Variants in OCA2 observed in about 807,000 individuals in gnomAD.
OCA2 encodes the protein OCA2 melanosomal transmembrane protein, also known as P protein.
In OCA2, 77 loss-of-function variants were observed where a neutral mutation model predicts 100.2. The ratio of observed to expected loss-of-function variants is 0.77; its 90% CI spans 0.64 to 0.93. OCA2 has a LOEUF of 0.93. Among genes scored for constraint, OCA2 ranks in the 40% least tolerant of loss-of-function variants. OCA2 has a pLI of 0.00. For missense variants in OCA2, 1,062 were observed against 1,089.1 expected, an observed-to-expected ratio of 0.98 and a Z score of 0.35; for synonymous variants, 432 against 439.2, an observed-to-expected ratio of 0.98 and a Z score of 0.21.
In OCA2 at chr15:28,043,447, AT is replaced by A. The variant is rs2043262114; in HGVS notation, c.228-11285del. 2.0e-5 allele frequency among the ~76,000 whole-genome samples: 3 copies of A among 152,320 alleles called. No individual in the cohort carries two copies. The South Asian group carries it at 6.2e-4, about 32-fold the overall frequency. Reference sequence around the variant, plus strand: ...ATCTCCAAAAATCACAATAAAGAAGATTGGTGCCCATTTTTTCTGGGGCTTA... The same window carrying A: ...ATCTCCAAAAATCACAATAAAGAAGATGGTGCCCATTTTTTCTGGGGCTTA... On this transcript the variant is annotated intron_variant, in intron 2 of 23. Transcript: ENST00000354638. This position sits in a 1 kb window ranked among gnomAD's most constrained non-coding sequence, Gnocchi z 4.4.
At chr15:27,767,107 T>C (rs4778178) in intron 23 of OCA2, among the ~76,000 whole-genome samples, 57,601 of 151,954 alleles carry the variant, frequency 0.38, 13,760 homozygotes, top group East Asian at 0.72. Flanking sequence ...TACTTGCCTT[T>C]GGGCCCTGTA....
intron 21 of OCA2, 144 bp downstream of exon 21, chr15:27,871,010 T>C: frequency 1.4e-6 from 1 of 719,840 alleles, no homozygotes; most frequent in South Asian, 1.5e-5. Flanking sequence ...CCAGCTGCCC[T>C]GGGCTCTGCT....
chr15:27,985,962 A>C (rs1325142596), intron 12 of OCA2, among the ~76,000 whole-genome samples: 1 of 152,230 alleles, frequency 6.6e-6, no homozygotes, highest in Non-Finnish European at 1.5e-5. Context: ...AAGTACTAGG[A>C]TTACAGGCGT....
rs1284426737 is a variant in OCA2, at chr15:27,926,161, A to G, written c.2045T>C (p.Leu682Pro). ...IILHRVEWAT[L>P]LFFAALFVLM... ...AACAAAGAGCGCTGCAAAAAACAGA[A>G]GGGTTGCCCATTCCACTCTGTGTAG... Residue 682 changes from leucine (L) to proline (P), a missense_variant, in exon 19 of 24, where the codon CTT becomes CCT. Physicochemically the swap from Leu to Pro is moderately conservative, Grantham distance 98. Transcript: ENST00000354638. 6.2e-7 allele frequency: 1 copy of G among 1,614,030 alleles called. No homozygotes were observed. Among genetic ancestry groups the G allele is most frequent in the African/African-American group, 1.3e-5 (1 of 74,940 alleles).
intron 2 of OCA2, among the ~76,000 whole-genome samples, chr15:28,077,060 GTTTT>G (rs1020481789): frequency 7.6e-6 from 1 of 131,128 alleles, no homozygotes; most frequent in African/African-American, 2.8e-5. Context: ...TGCTTAATTT[GTTTT>G]TTTTTTTTTT....
intron 8 of OCA2, among the ~76,000 whole-genome samples, 192 bp from the exon 9 acceptor site, chr15:28,015,121 G>A (rs550676153): frequency 7.0e-4 from 106 of 152,244 alleles, no homozygotes; most frequent in Non-Finnish European, 1.4e-3. Flanking sequence ...AGCCAAGCCC[G>A]ACTGGTCCAA....
intron 23 of OCA2, among the ~76,000 whole-genome samples, chr15:27,814,704 C>T (rs1168942028): frequency 6.6e-6 from 1 of 152,116 alleles, no homozygotes; most frequent in Non-Finnish European, 1.5e-5. Context: ...ATGGCAAAAC[C>T]CCATCTCTAC....
chr15:27,847,239 C>T (rs934110946), intron 22 of OCA2, among the ~76,000 whole-genome samples: 12 of 152,170 alleles, frequency 7.9e-5, no homozygotes, highest in Admixed American at 2.6e-4. Flanking sequence ...CACTTAGACA[C>T]GTGTGCGACC....
intron 23 of OCA2, among the ~76,000 whole-genome samples, chr15:27,782,678 C>T (rs946008903): frequency 6.6e-6 from 1 of 152,206 alleles, no homozygotes; most frequent in Admixed American, 6.5e-5. Flanking sequence ...CCTTAATGCC[C>T]TCATAGTGCT....
intron 23 of OCA2, among the ~76,000 whole-genome samples, chr15:27,807,138 C>G (rs2033889888): frequency 6.6e-6 from 1 of 152,182 alleles, no homozygotes; most frequent in Non-Finnish European, 1.5e-5. Flanking sequence ...CACGGGCAGC[C>G]TGGGTGATGC....
intron 23 of OCA2, among the ~76,000 whole-genome samples, chr15:27,841,439 G>C (rs901549780): frequency 6.6e-6 from 1 of 152,250 alleles, no homozygotes; most frequent in Non-Finnish European, 1.5e-5. Flanking sequence ...TTACTACCAG[G>C]GGTTTCTGCA....
rs2037312095 is a variant in OCA2, at chr15:27,888,238, T to A, written c.2080-16316A>T. On this transcript the variant is annotated intron_variant, in intron 19 of 23. Coordinates refer to ENST00000354638, the MANE Select transcript of OCA2 (RefSeq NM_000275.3). ...AACAGATCAAAGTAGCACTGCAAGA[T>A]CTCTGAAAATTAAATCTTCATTTGA... Among the ~76,000 whole-genome samples, 3 of 152,210 alleles carry A rather than the reference T, an allele frequency of 2.0e-5. No individual in the cohort carries two copies. The East Asian group carries it at 5.8e-4, about 29-fold the overall frequency.
At chr15:27,782,665 G>C (rs1245422096) in intron 23 of OCA2, among the ~76,000 whole-genome samples, 1 of 152,192 alleles carries the variant, frequency 6.6e-6, no homozygotes, top group Non-Finnish European at 1.5e-5. Flanking sequence ...GAGGGAAGCT[G>C]CTCCTTAATG....
intron 3 of OCA2, 23 bp downstream of exon 3, chr15:28,032,042 A>T (rs759782514): frequency 1.3e-6 from 2 of 1,570,394 alleles, no homozygotes; most frequent in African/African-American, 2.7e-5. Flanking sequence ...TCTTACTTTC[A>T]TATGAGGGGG....
intron 3 of OCA2, among the ~76,000 whole-genome samples, chr15:28,030,340 T>C (rs544203140): frequency 2.4e-4 from 36 of 151,684 alleles, no homozygotes; most frequent in Non-Finnish European, 4.9e-4. Context: ...ATGAATGTAG[T>C]GTTTGAGAGC....
At chr15:28,019,249 G>A (rs979934548) in intron 6 of OCA2, among the ~76,000 whole-genome samples, 1 of 152,030 alleles carries the variant, frequency 6.6e-6, no homozygotes, top group Admixed American at 6.6e-5. Flanking sequence ...TAGGGAGAAT[G>A]GGGAGAAGGG....
At chr15:28,023,071 A>G (rs2042644438) in intron 5 of OCA2, among the ~76,000 whole-genome samples, 1 of 152,046 alleles carries the variant, frequency 6.6e-6, no homozygotes, top group African/African-American at 2.4e-5. Context: ...AAGGCTGAAG[A>G]CTGGACACAG....
At chr15:27,796,103 G>C (rs952397302) in intron 23 of OCA2, among the ~76,000 whole-genome samples, 1 of 152,216 alleles carries the variant, frequency 6.6e-6, no homozygotes, top group Non-Finnish European at 1.5e-5. Context: ...AGCCATCCAC[G>C]GTTCTAGCAG....
intron 23 of OCA2, among the ~76,000 whole-genome samples, chr15:27,770,478 G>A (rs1372060790): frequency 1.3e-5 from 2 of 152,076 alleles, no homozygotes; most frequent in Non-Finnish European, 2.9e-5. Context: ...CTGCCCTGGA[G>A]AAGCGACCAC....
Sources: gnomAD v4.1 joint callset for allele counts (sites outside exome capture counted in the v4.1 genomes callset) on GRCh38, gnomAD v4.1.1 for gene constraint, Gnocchi (gnomAD v3.1) non-coding constraint, MANE v1.5 for transcripts, NCBI Gene and HGNC (gene_info 2026-07-23, HGNC 2026-07-21) for gene names.